The following PLEKHG1 variants were observed in gnomAD, a reference collection of about 807,000 sequenced individuals.
The protein encoded by PLEKHG1 is pleckstrin homology and RhoGEF domain containing G1.
PLEKHG1 carries 44 observed loss-of-function variants against 100.8 expected under a neutral mutation model. That is an observed-to-expected ratio of 0.44 (90% CI 0.34 to 0.56). The LOEUF (loss-of-function observed/expected upper bound fraction) is 0.56. PLEKHG1 is among the 20% of genes least tolerant of loss of function. The pLI is 0.01. For missense variants in PLEKHG1, 1,545 were observed against 1,720.9 expected (o/e 0.90, Z 1.81); for synonymous variants, 640 against 662.5 (o/e 0.97, Z 0.52).
chr6:150,792,216 G>C (rs539074753), intron 4 of PLEKHG1, among the ~76,000 whole-genome samples: 42 of 152,148 alleles, frequency 2.8e-4, no homozygotes, highest in African/African-American at 9.4e-4. Flanking sequence ...AATTAGCCGG[G>C]CGTGGTGATG....
intron 2 of PLEKHG1, among the ~76,000 whole-genome samples, chr6:150,741,421 C>G (rs1782848682): frequency 6.6e-6 from 1 of 152,174 alleles, no homozygotes; most frequent in Admixed American, 6.5e-5. Context: ...CCATCCCCAT[C>G]ACCTCAATAG....
chr6:150,789,993 C>A (rs1471823511), intron 4 of PLEKHG1, among the ~76,000 whole-genome samples: 5 of 151,878 alleles, frequency 3.3e-5, no homozygotes, highest in Admixed American at 3.3e-4. Context: ...GGGTCTTATA[C>A]TTCTTCAGGA....
In PLEKHG1 at chr6:150,839,818, A is replaced by G. The variant is rs769523042; in HGVS notation, c.3095-15A>G. 12 of 1,465,912 alleles carry G rather than the reference A, an allele frequency of 8.2e-6. 1 individual carries two copies. In the South Asian group the frequency reaches 9.2e-5, roughly 11 times the overall value. The allele number at this position is 1,465,912 out of a possible 1,614,324, so 90.8% of individuals were successfully genotyped here. ...TATCCTGTGTGTATTTACTGTTTCA[A>G]TATTTGCCTTCCAGGTGCCAGGATT... On this transcript the variant is annotated splice_polypyrimidine_tract_variant and intron_variant, in intron 15 of 15. Coordinates refer to ENST00000358517, the Ensembl canonical transcript of PLEKHG1.
intron 1 of PLEKHG1, among the ~76,000 whole-genome samples, chr6:150,623,471 G>A (rs995805443): frequency 4.6e-5 from 7 of 152,182 alleles, no homozygotes; most frequent in African/African-American, 1.7e-4. Flanking sequence ...CAGATGATGA[G>A]GCAGGTCAAC....
intron 3 of PLEKHG1, among the ~76,000 whole-genome samples, chr6:150,687,862 A>G (rs1780195769): frequency 6.6e-6 from 1 of 152,230 alleles, no homozygotes; most frequent in Non-Finnish European, 1.5e-5. Context: ...AGGCAGCGGC[A>G]TGCTCTGATC....
At chr6:150,752,607 T>C (rs13211049) in intron 2 of PLEKHG1, among the ~76,000 whole-genome samples, 26,378 of 152,162 alleles carry the variant, frequency 0.17, 3,999 homozygotes, top group African/African-American at 0.41. Context: ...TGTTGCAACC[T>C]GCATCAGGAT....
At chr6:150,839,093 T>C (rs753576609) in intron 15 of PLEKHG1, among the ~76,000 whole-genome samples, 1 of 152,052 alleles carries the variant, frequency 6.6e-6, no homozygotes, top group Non-Finnish European at 1.5e-5. Context: ...GCATTGTGGA[T>C]TGTGGCCATG....
chr6:150,840,254 C>T (rs762592035), exon 16 of PLEKHG1: 23 of 1,614,022 alleles, frequency 1.4e-5, no homozygotes, highest in African/African-American at 5.3e-5. Flanking sequence ...AAGGGATCAG[C>T]GCTAAATCTC....
At chr6:150,793,797 C>A (rs1786141101) in intron 4 of PLEKHG1, among the ~76,000 whole-genome samples, 1 of 152,084 alleles carries the variant, frequency 6.6e-6, no homozygotes, top group Non-Finnish European at 1.5e-5. Flanking sequence ...TTAAATGAAA[C>A]CAGGCCAGGC....
At chr6:150,772,298 CTTG>C (rs1236475150) in intron 3 of PLEKHG1, among the ~76,000 whole-genome samples, 4 of 152,292 alleles carry the variant, frequency 2.6e-5, no homozygotes, top group East Asian at 1.9e-4. Context: ...CCATCCAAAA[CTTG>C]TTGTTTCTTT....
At chr6:150,730,613 T>G (rs1222187405) in intron 1 of PLEKHG1, among the ~76,000 whole-genome samples, 1 of 152,074 alleles carries the variant, frequency 6.6e-6, no homozygotes, top group Non-Finnish European at 1.5e-5. Flanking sequence ...ATAGAGAATA[T>G]CCAACTTGGC....
chr6:150,791,594 C>T (rs918179982), intron 4 of PLEKHG1, among the ~76,000 whole-genome samples: 3 of 150,970 alleles, frequency 2.0e-5, no homozygotes, highest in African/African-American at 4.9e-5. Context: ...TGTTTGAACC[C>T]GGGAAGCAGA....
At chr6:150,774,810 G>A (rs537074558) in intron 3 of PLEKHG1, among the ~76,000 whole-genome samples, 53 of 151,474 alleles carry the variant, frequency 3.5e-4, no homozygotes, top group Admixed American at 8.6e-4. Context: ...GGATTACAGG[G>A]GGGAGCCACT....
intron 3 of PLEKHG1, among the ~76,000 whole-genome samples, chr6:150,672,685 A>G (rs915531458): frequency 6.6e-6 from 1 of 152,256 alleles, no homozygotes; most frequent in Non-Finnish European, 1.5e-5. Context: ...TTTCATTTCC[A>G]ACCAGGTCAT....
intron 3 of PLEKHG1, chr6:150,686,958 T>A (rs1465162082): frequency 6.6e-6 from 1 of 152,622 alleles, no homozygotes; most frequent in African/African-American, 2.4e-5. Context: ...AAACTTCTTA[T>A]CCGACCGAGC....
Position 150,800,706 on chromosome 6 carries a change from A to G in PLEKHG1, c.630-13A>G, listed in dbSNP as rs779799037. 3 of 1,610,422 alleles carry G rather than the reference A, an allele frequency of 1.9e-6. No homozygotes were observed. The East Asian group carries it at 6.7e-5, about 36-fold the overall frequency. ...CATTACAATTTAGATAAAAACATGG[A>G]CTCTTCCTGCAGGTCCGTGGCTGTG... On this transcript the variant is annotated splice_polypyrimidine_tract_variant and intron_variant, in intron 5 of 15. Transcript: ENST00000358517.
chr6:150,722,826 G>A (rs1454956309), intron 1 of PLEKHG1, among the ~76,000 whole-genome samples: 1 of 152,122 alleles, frequency 6.6e-6, no homozygotes, highest in East Asian at 1.9e-4. Flanking sequence ...GGAACTGAGT[G>A]CGTTCCATAC....
At position 150,600,801 on chromosome 6, in the gene PLEKHG1, G is replaced by T. The variant is rs1355214748; in HGVS notation, c.-204+784G>T. The T allele has an allele frequency of 1.3e-5, 2 of 152,250 alleles. No homozygotes were observed. Among genetic ancestry groups the T allele is most frequent in the African/African-American group, 2.4e-5 (1 of 41,472 alleles). 9.4% of individuals were successfully genotyped at this position (152,250 alleles called of 1,614,324 possible). A position where few individuals can be genotyped will look rare whatever the true frequency, so the allele number is the denominator to read the frequency against. On this transcript the variant is annotated intron_variant, in intron 1 of 3. Coordinates refer to the PLEKHG1 transcript ENST00000367326. This position sits in a 1 kb window ranked among gnomAD's most constrained non-coding sequence, Gnocchi z 6.2. ...TTGGGAACGCTCTAACTGGGAGAAC[G>T]GCGCTCGGCTGGTCAATTCATTCCG... is the stretch of plus-strand genomic sequence containing the variant.
At chr6:150,692,717 C>T (rs1191436376) in intron 3 of PLEKHG1, among the ~76,000 whole-genome samples, 1 of 152,196 alleles carries the variant, frequency 6.6e-6, no homozygotes, top group Non-Finnish European at 1.5e-5. Flanking sequence ...ATTGAGGATA[C>T]TTTCAACTCT....
Sources: allele counts gnomAD v4.1 joint callset (sites outside exome capture counted in the v4.1 genomes callset), GRCh38; gene constraint gnomAD v4.1.1; non-coding constraint Gnocchi (gnomAD v3.1); transcripts MANE v1.5; gene names NCBI Gene and HGNC (gene_info 2026-07-23, HGNC 2026-07-21).